The following MYO3B variants were observed in gnomAD, a reference collection of about 807,000 sequenced individuals.
The protein encoded by MYO3B is myosin-IIIb.
Under a neutral mutation model 174.6 loss-of-function variants are expected in MYO3B, and 156 were observed. The ratio of observed to expected loss-of-function variants is 0.89; its 90% confidence interval spans 0.78 to 1.02. MYO3B has a LOEUF of 1.02. Among genes scored for constraint, MYO3B ranks in the 50% least tolerant of loss-of-function variants. The pLI is 0.00. For synonymous variants in MYO3B, 563 were observed against 569.1 expected, an observed-to-expected ratio of 0.99 and a Z score of 0.15; for missense variants, 1,632 against 1,639.4, an observed-to-expected ratio of 1.00 and a Z score of 0.08.
intron 16 of MYO3B, among the ~76,000 whole-genome samples, chr2:170,397,356 G>C (rs1455712082): frequency 2.0e-5 from 3 of 152,180 alleles, no homozygotes; most frequent in Non-Finnish European, 2.9e-5. Context: ...CAATGGTCCA[G>C]TGACCGTTCC....
intron 13 of MYO3B, among the ~76,000 whole-genome samples, chr2:170,386,592 C>A (rs946843636): frequency 6.6e-6 from 1 of 152,078 alleles, no homozygotes; most frequent in Admixed American, 6.5e-5. Context: ...GGGAAAGCCA[C>A]TATAGTGATT....
intron 22 of MYO3B, chr2:170,412,310 A>G (rs188703580): frequency 6.6e-6 from 1 of 152,346 alleles, no homozygotes; most frequent in East Asian, 1.9e-4. Flanking sequence ...TGACTTCCAA[A>G]TAGTAGTTTG....
intron 8 of MYO3B, chr2:170,341,416 A>AT (rs2093976038): frequency 1.3e-5 from 2 of 152,240 alleles, no homozygotes; most frequent in South Asian, 4.1e-4. Flanking sequence ...GGCCATGCAA[A>AT]GGGTTAATAC....
chr2:170,531,981 A>T (rs1689382887), intron 30 of MYO3B, among the ~76,000 whole-genome samples: 1 of 152,258 alleles, frequency 6.6e-6, no homozygotes, highest in African/African-American at 2.4e-5. Context: ...CTATTTGCAT[A>T]GTCTCAGAGT....
intron 30 of MYO3B, among the ~76,000 whole-genome samples, chr2:170,528,284 T>C (rs1482464105): frequency 3.9e-5 from 6 of 152,222 alleles, no homozygotes; most frequent in Admixed American, 3.9e-4. Context: ...TATCTCAAAT[T>C]GAGGGTCAGT....
At chr2:170,357,845 A>AAT (rs2094133915) in intron 8 of MYO3B, among the ~76,000 whole-genome samples, 1 of 152,190 alleles carries the variant, frequency 6.6e-6, no homozygotes, top group Admixed American at 6.5e-5. Flanking sequence ...GCAATAATTC[A>AAT]TAATAGCTTA....
At chr2:170,459,044 G>A (rs1467181292) in intron 23 of MYO3B, among the ~76,000 whole-genome samples, 6 of 152,156 alleles carry the variant, frequency 3.9e-5, no homozygotes, top group Non-Finnish European at 7.3e-5. Flanking sequence ...GTGGGTTTGT[G>A]GTCTTGCTGG....
intron 7 of MYO3B, among the ~76,000 whole-genome samples, chr2:170,267,990 C>CT (rs1439412054): frequency 6.6e-6 from 1 of 151,882 alleles, no homozygotes; most frequent in Non-Finnish European, 1.5e-5. Context: ...GGTGGATTAC[C>CT]TGAGGTCAGG....
chr2:170,651,821 G>GGGGGGGGGGGC, intron 33 of MYO3B, 87 bp downstream of exon 33: 1 of 1,089,328 alleles, frequency 9.2e-7, no homozygotes. Flanking sequence ...AGCCCCTGCA[G>GGGGGGGGGGGC]CCCCACCCCC....
intron 30 of MYO3B, 196 bp downstream of exon 30, chr2:170,519,736 G>A (rs561669432): frequency 1.5e-5 from 7 of 474,570 alleles, no homozygotes; most frequent in South Asian, 1.3e-4. Flanking sequence ...CTTTGTGGGG[G>A]CCGAGGTGGG....
chr2:170,536,531 T>A (rs1199690682), intron 30 of MYO3B, among the ~76,000 whole-genome samples: 1 of 152,244 alleles, frequency 6.6e-6, no homozygotes, highest in East Asian at 1.9e-4. Flanking sequence ...TCCTTCTTGT[T>A]TCCCTTATTT....
chr2:170,389,712 C>T lies in MYO3B; in HGVS notation c.1578-1808C>T, dbSNP rs551656293. ...CAAGTGACATTCATCTCAGGCCTTTCGGTTCCTGTCTCAGTGAAGGGTGCC... is the reference window on the plus strand; with the variant it reads ...CAAGTGACATTCATCTCAGGCCTTTTGGTTCCTGTCTCAGTGAAGGGTGCC... On this transcript the variant is annotated intron_variant, in intron 14 of 34. Transcript: ENST00000408978. 9.9e-5 allele frequency among the ~76,000 whole-genome samples: 15 copies of T among 152,266 alleles called. 1 individual carries two copies. Among genetic ancestry groups the T allele is most frequent in the Admixed American group, 8.5e-4 (13 of 15,300 alleles).
At chr2:170,509,127 C>T (rs747502954) in intron 28 of MYO3B, among the ~76,000 whole-genome samples, 4 of 152,124 alleles carry the variant, frequency 2.6e-5, no homozygotes, top group East Asian at 1.9e-4. Flanking sequence ...GAGGCCGAGG[C>T]GGGTGGATCA....
chr2:170,203,495 C>CCG (rs2092683896), intron 3 of MYO3B, among the ~76,000 whole-genome samples: 1 of 3,476 alleles, frequency 2.9e-4, no homozygotes, highest in Non-Finnish European at 7.4e-4. Context: ...CAAAAGGGGG[C>CCG]GGCGGGGGGG....
intron 30 of MYO3B, among the ~76,000 whole-genome samples, chr2:170,536,266 G>A (rs897596466): frequency 2.0e-5 from 3 of 152,202 alleles, no homozygotes; most frequent in African/African-American, 7.2e-5. Context: ...CTAACTTAGA[G>A]CAATGGCATT....
chr2:170,565,420 G>C (rs1471330149), intron 32 of MYO3B, among the ~76,000 whole-genome samples: 1 of 152,174 alleles, frequency 6.6e-6, no homozygotes, highest in Non-Finnish European at 1.5e-5. Flanking sequence ...GATGAACAGA[G>C]GAACAGGAAA....
At chr2:170,273,526 C>T (rs1181746554) in intron 7 of MYO3B, among the ~76,000 whole-genome samples, 1 of 152,138 alleles carries the variant, frequency 6.6e-6, no homozygotes, top group African/African-American at 2.4e-5. Context: ...CCAGCCGTAT[C>T]AAATTAAGTC....
At chr2:170,408,062 A>C (rs765393052) in intron 22 of MYO3B, among the ~76,000 whole-genome samples, 12 of 152,268 alleles carry the variant, frequency 7.9e-5, no homozygotes, top group Non-Finnish European at 1.3e-4. Context: ...AGCTGCACAC[A>C]TAAACATACA....
chr2:170,293,033 C>T (rs943137996), intron 7 of MYO3B, among the ~76,000 whole-genome samples: 1 of 152,092 alleles, frequency 6.6e-6, no homozygotes, highest in Non-Finnish European at 1.5e-5. Flanking sequence ...TTGCAGGGCA[C>T]CATGAGGGGG....
Sources: gnomAD v4.1 joint callset for allele counts (sites outside exome capture counted in the v4.1 genomes callset) on GRCh38, gnomAD v4.1.1 for gene constraint, MANE v1.5 for transcripts, NCBI Gene and HGNC (gene_info 2026-07-23, HGNC 2026-07-21) for gene names.